The following SLC39A8 variants were observed in gnomAD, a reference collection of about 807,000 sequenced individuals.
The protein encoded by SLC39A8 is solute carrier family 39 member 8, also known as metal cation symporter ZIP8.
Under a neutral mutation model 40.4 loss-of-function variants are expected in SLC39A8, and 15 were observed. That is an observed-to-expected ratio of 0.37 (90% CI 0.25 to 0.57). The LOEUF is 0.57. SLC39A8 is among the 20% of genes least tolerant of loss of function. The pLI, the probability that SLC39A8 is intolerant of heterozygous loss-of-function variation, is 0.75. For missense variants in SLC39A8, 472 were observed against 558.8 expected, an observed-to-expected ratio of 0.84 and a Z score of 1.57; for synonymous variants, 223 against 221.6, an observed-to-expected ratio of 1.01 and a Z score of -0.06.
chr4:102,262,421 CTTTA>C lies in SLC39A8; in HGVS notation c.*619_*622del, dbSNP rs2149000966. 6.1e-6 allele frequency: 6 copies of C among 985,440 alleles called. No individual in the cohort carries two copies. The highest frequency in any genetic ancestry group is 7.2e-6 in the Non-Finnish European group (6 of 829,882). 61.0% of individuals were successfully genotyped at this position (985,440 alleles called of 1,614,324 possible). A position where few individuals can be genotyped will look rare whatever the true frequency, so the allele number is the denominator to read the frequency against. On this transcript the variant is annotated 3_prime_UTR_variant, in exon 9 of 9. Coordinates refer to ENST00000356736, the MANE Select transcript of SLC39A8 (RefSeq NM_001135146.2). ...CCTGAACTTAGCAGGGCTAGCAAAACTTTATTTATTTCCTAACTCCTATTATTTT... is the reference window on the plus strand; with the variant it reads ...CCTGAACTTAGCAGGGCTAGCAAAACTTTATTTCCTAACTCCTATTATTTT...
chr4:102,295,542 C>T (rs970696492), intron 6 of SLC39A8, among the ~76,000 whole-genome samples: 1 of 151,924 alleles, frequency 6.6e-6, no homozygotes, highest in African/African-American at 2.4e-5. Context: ...GCAATATCAA[C>T]ATTTTGTTTG....
intron 6 of SLC39A8, among the ~76,000 whole-genome samples, chr4:102,274,790 C>T (rs770455365): frequency 3.9e-5 from 6 of 152,130 alleles, no homozygotes; most frequent in South Asian, 2.1e-4. Context: ...AGAGTATGGG[C>T]CAATATTCAA....
At chr4:102,334,583 A>G (rs1381624941) in intron 2 of SLC39A8, among the ~76,000 whole-genome samples, 1 of 152,166 alleles carries the variant, frequency 6.6e-6, no homozygotes, top group East Asian at 1.9e-4. Flanking sequence ...TCAGCAGAGA[A>G]CATATGCCAG....
chr4:102,332,977 G>T (rs1478740239), intron 2 of SLC39A8, among the ~76,000 whole-genome samples: 1 of 152,068 alleles, frequency 6.6e-6, no homozygotes, highest in African/African-American at 2.4e-5. Flanking sequence ...GAGAACACAT[G>T]GACACAGGGA....
chr4:102,301,368 T>C (rs1733918985), intron 6 of SLC39A8, among the ~76,000 whole-genome samples: 1 of 152,216 alleles, frequency 6.6e-6, no homozygotes, highest in Non-Finnish European at 1.5e-5. Context: ...TTTCTCATTA[T>C]ACAATTCCCT....
chr4:102,344,399 G>C, intron 2 of SLC39A8, 45 bp downstream of exon 2: 1 of 1,365,076 alleles, frequency 7.3e-7, no homozygotes, highest in Non-Finnish European at 9.7e-7. Flanking sequence ...GTGAAGTCTA[G>C]GGACACCCAC....
At chr4:102,302,163 G>C (rs1045576741) in intron 6 of SLC39A8, among the ~76,000 whole-genome samples, 1 of 152,050 alleles carries the variant, frequency 6.6e-6, no homozygotes, top group Non-Finnish European at 1.5e-5. Context: ...CTCTGTAGAA[G>C]TGTAGCCCTG....
At chr4:102,275,988 G>A (rs1732600506) in intron 6 of SLC39A8, among the ~76,000 whole-genome samples, 2 of 152,188 alleles carry the variant, frequency 1.3e-5, no homozygotes, top group Non-Finnish European at 2.9e-5. Flanking sequence ...CTAAAGCAGT[G>A]TTTAGAGGGA....
intron 2 of SLC39A8, among the ~76,000 whole-genome samples, chr4:102,326,238 A>C (rs1410458293): frequency 6.6e-6 from 1 of 152,216 alleles, no homozygotes; most frequent in Non-Finnish European, 1.5e-5. Flanking sequence ...CTGCTTCTTC[A>C]ACTCAGGGCT....
At chr4:102,326,377 C>T (rs916783067) in intron 2 of SLC39A8, among the ~76,000 whole-genome samples, 7 of 152,070 alleles carry the variant, frequency 4.6e-5, no homozygotes, top group Non-Finnish European at 1.0e-4. Flanking sequence ...CTGGCTAACA[C>T]GGTGAAACCC....
intron 6 of SLC39A8, 133 bp from the exon 7 acceptor site, chr4:102,268,212 C>T: frequency 1.2e-6 from 1 of 828,050 alleles, no homozygotes; most frequent in Non-Finnish European, 1.9e-6. Flanking sequence ...ACTAGGAAAC[C>T]CTAATAATAT....
intron 3 of SLC39A8, among the ~76,000 whole-genome samples, chr4:102,314,093 C>T (rs1327406281): frequency 6.6e-6 from 1 of 152,016 alleles, no homozygotes; most frequent in East Asian, 1.9e-4. Context: ...AGGGCTCTTC[C>T]CAGTCTTCTC....
chr4:102,310,029 T>C (rs1734355725), intron 3 of SLC39A8, among the ~76,000 whole-genome samples: 1 of 151,992 alleles, frequency 6.6e-6, no homozygotes, highest in African/African-American at 2.4e-5. Context: ...ATCACAAAAG[T>C]GATCATCTCA....
At chr4:102,320,865 T>A (rs1734936640) in intron 2 of SLC39A8, among the ~76,000 whole-genome samples, 1 of 151,116 alleles carries the variant, frequency 6.6e-6, no homozygotes, top group Non-Finnish European at 1.5e-5. Flanking sequence ...GTTTCCTGAA[T>A]GAAATCTGTT....
downstream of SLC39A8, among the ~76,000 whole-genome samples, chr4:102,256,747 C>T (rs1026477316): frequency 6.6e-6 from 1 of 152,208 alleles, no homozygotes; most frequent in African/African-American, 2.4e-5. Context: ...GTCACCTCCT[C>T]TTCCAGGATA....
rs190746514 is a variant in SLC39A8 at position 102,283,168 on chromosome 4, T to G, written c.841-15089A>C. Among the ~76,000 whole-genome samples, 383 of 152,338 alleles carry G rather than the reference T, an allele frequency of 2.5e-3. 2 individuals are homozygous for G. The highest frequency in any genetic ancestry group is 3.7e-3 in the Non-Finnish European group (254 of 68,026). ...AGCAGATAACCTGTTAAAGATTTATTGTTTGCAAGATGCTTTTCTAAATGC... is the reference window on the plus strand; with the variant it reads ...AGCAGATAACCTGTTAAAGATTTATGGTTTGCAAGATGCTTTTCTAAATGC... On this transcript the variant is annotated intron_variant, in intron 6 of 8. Coordinates refer to ENST00000356736, the MANE Select transcript of SLC39A8 (RefSeq NM_001135146.2).
In SLC39A8 at chr4:102,344,522, C is replaced by T; in HGVS notation, c.141G>A (p.Gln47=). 1 of 1,558,840 alleles carries T rather than the reference C, an allele frequency of 6.4e-7. No homozygotes were observed. Among genetic ancestry groups the T allele is most frequent in the Non-Finnish European group, 8.7e-7 (1 of 1,151,818 alleles). Residue 47 remains glutamine, a synonymous_variant, in exon 2 of 9, where the codon CAG becomes CAA. Coordinates refer to ENST00000356736, the MANE Select transcript of SLC39A8 (RefSeq NM_001135146.2). The part of the protein sequence containing the change: ...FGANLSLSAA[Q]LQHLLEQMGA... ...CCATCTGCTCCAGCAAGTGCTGGAGCTGCGCCGCCGACAGGCTCAGATTCG... is the reference window on the plus strand; with the variant it reads ...CCATCTGCTCCAGCAAGTGCTGGAGTTGCGCCGCCGACAGGCTCAGATTCG...
At chr4:102,282,928 G>A (rs773468304) in intron 6 of SLC39A8, among the ~76,000 whole-genome samples, 2 of 151,988 alleles carry the variant, frequency 1.3e-5, no homozygotes, top group Admixed American at 1.3e-4. Flanking sequence ...GGGTTTCACC[G>A]TGTTAGCCGG....
downstream of SLC39A8, among the ~76,000 whole-genome samples, chr4:102,261,493 G>A (rs548875696): frequency 4.3e-4 from 65 of 152,232 alleles, no homozygotes; most frequent in Middle Eastern, 3.4e-3. Context: ...TATTAAAATC[G>A]TCGACTCTTG....
Sources: allele counts gnomAD v4.1 joint callset (sites outside exome capture counted in the v4.1 genomes callset), GRCh38; gene constraint gnomAD v4.1.1; transcripts MANE v1.5; gene names NCBI Gene and HGNC (gene_info 2026-07-23, HGNC 2026-07-21).